The following ZFAND3 variants were observed in gnomAD, a reference collection of about 807,000 sequenced individuals.
ZFAND3 encodes the protein AN1-type zinc finger protein 3.
A neutral mutation model predicts 29.6 loss-of-function variants in ZFAND3; 10 were observed. That is an observed-to-expected ratio of 0.34 (90% CI 0.21 to 0.57). The LOEUF is 0.57. Among genes scored for constraint, ZFAND3 ranks in the 20% least tolerant of loss-of-function variants. The pLI, the probability that ZFAND3 is intolerant of heterozygous loss-of-function variation, is 0.86. For missense variants in ZFAND3, 230 were observed against 304.5 expected (o/e 0.76, Z 1.82); for synonymous variants, 128 against 112.6 (o/e 1.14, Z -0.87).
chr6:38,039,999 A>G (rs1002287696), intron 2 of ZFAND3, among the ~76,000 whole-genome samples: 1 of 152,114 alleles, frequency 6.6e-6, no homozygotes, highest in Admixed American at 6.5e-5. Context: ...TTACTCTTAA[A>G]CTTATGCATC....
At chr6:37,914,413 G>A (rs939121769) in intron 1 of ZFAND3, among the ~76,000 whole-genome samples, 33 of 152,172 alleles carry the variant, frequency 2.2e-4, no homozygotes, top group African/African-American at 6.7e-4. Flanking sequence ...GGAGCGCAGT[G>A]GTGCAACCTC....
At chr6:38,027,249 C>T (rs1229378007) in intron 2 of ZFAND3, among the ~76,000 whole-genome samples, 4 of 152,210 alleles carry the variant, frequency 2.6e-5, no homozygotes, top group Admixed American at 2.6e-4. Flanking sequence ...TAAAATATTT[C>T]TCCCAAATAT....
intron 1 of ZFAND3, among the ~76,000 whole-genome samples, chr6:37,841,351 T>C (rs1477361611): frequency 1.3e-5 from 2 of 149,584 alleles, no homozygotes; most frequent in Non-Finnish European, 3.0e-5. Context: ...TTATTTGCTT[T>C]CCATCCTTCT....
At chr6:37,896,572 C>CTTTCTTTCTTT (rs58677123) in intron 1 of ZFAND3, among the ~76,000 whole-genome samples, 1 of 21,298 alleles carries the variant, frequency 4.7e-5, no homozygotes, top group African/African-American at 1.8e-4. Flanking sequence ...CTTTCTTTCT[C>CTTTCTTTCTTT]TCTTTCTCTC....
At chr6:38,144,192 TATATATATATATATATATA>T (rs1309426241) in intron 5 of ZFAND3, among the ~76,000 whole-genome samples, 3 of 40,812 alleles carry the variant, frequency 7.4e-5, no homozygotes, top group African/African-American at 4.1e-4. Context: ...ATAATATATA[TATATATATATATATATATA>T]ATATATAATA....
At chr6:37,896,841 A>G (rs6906120) in intron 1 of ZFAND3, among the ~76,000 whole-genome samples, 4,496 of 152,052 alleles carry the variant, frequency 0.03, 172 homozygotes, top group African/African-American at 0.085. Context: ...AATTGCCAGT[A>G]AAGCCAACCG....
At chr6:38,005,269 C>T (rs1373340255) in intron 2 of ZFAND3, among the ~76,000 whole-genome samples, 1 of 152,010 alleles carries the variant, frequency 6.6e-6, no homozygotes, top group Non-Finnish European at 1.5e-5. Flanking sequence ...GCAGATCTGT[C>T]GAAGCATGTT....
At chr6:38,081,155 TTTTC>T (rs1161888090) in intron 3 of ZFAND3, among the ~76,000 whole-genome samples, 1 of 150,396 alleles carries the variant, frequency 6.6e-6, no homozygotes, top group Admixed American at 6.6e-5. Flanking sequence ...TACAGAAGTT[TTTTC>T]TTTTTTTTTT....
intron 2 of ZFAND3, among the ~76,000 whole-genome samples, chr6:37,960,273 G>A (rs1318529573): frequency 6.6e-6 from 1 of 152,196 alleles, no homozygotes; most frequent in African/African-American, 2.4e-5. Flanking sequence ...AAGCTGTCCT[G>A]CAACACAGGT....
At chr6:38,149,397 C>T (rs1313474084) in intron 5 of ZFAND3, among the ~76,000 whole-genome samples, 1 of 127,932 alleles carries the variant, frequency 7.8e-6, no homozygotes, top group Non-Finnish European at 1.6e-5. Context: ...GGTGACAGAG[C>T]AAGACCCTGT....
At chr6:37,854,776 C>CCT (rs1491434302) in intron 1 of ZFAND3, among the ~76,000 whole-genome samples, 22 of 80,566 alleles carry the variant, frequency 2.7e-4, no homozygotes, top group African/African-American at 5.8e-4. Flanking sequence ...CCCCCCCCCC[C>CCT]TTTTTTTTTA....
intron 2 of ZFAND3, among the ~76,000 whole-genome samples, chr6:37,969,678 G>C (rs962187077): frequency 3.9e-5 from 6 of 152,204 alleles, no homozygotes; most frequent in African/African-American, 1.4e-4. Flanking sequence ...ATAGTGGTCA[G>C]AGTAGTGAGT....
At chr6:38,083,716 G>A (rs1764707628) in intron 4 of ZFAND3, among the ~76,000 whole-genome samples, 1 of 152,110 alleles carries the variant, frequency 6.6e-6, no homozygotes, top group African/African-American at 2.4e-5. Flanking sequence ...CAGTCAAGGA[G>A]TTGAACCTTG....
At chr6:37,959,799 T>C (rs578173404) in intron 2 of ZFAND3, among the ~76,000 whole-genome samples, 1 of 152,328 alleles carries the variant, frequency 6.6e-6, no homozygotes, top group South Asian at 2.1e-4. Context: ...AAATAGAGGC[T>C]AGTTCCTCAG....
intron 2 of ZFAND3, among the ~76,000 whole-genome samples, chr6:37,969,317 A>C (rs1296283998): frequency 6.6e-6 from 1 of 152,236 alleles, no homozygotes; most frequent in Non-Finnish European, 1.5e-5. Context: ...TTGATTTAAA[A>C]TTAGGTTACA....
At chr6:37,917,797 A>G (rs1047138244) in intron 1 of ZFAND3, among the ~76,000 whole-genome samples, 1 of 152,166 alleles carries the variant, frequency 6.6e-6, no homozygotes, top group African/African-American at 2.4e-5. Context: ...TAGGTGTGGT[A>G]TCCTGACTCT....
chr6:37,886,548 T>A (rs1036578561), intron 1 of ZFAND3, among the ~76,000 whole-genome samples: 3 of 152,192 alleles, frequency 2.0e-5, no homozygotes, highest in African/African-American at 7.2e-5. Flanking sequence ...TTTTCTGCAG[T>A]CATATCATGG....
chr6:38,119,708 C>T (rs767150114), intron 5 of ZFAND3, among the ~76,000 whole-genome samples: 1 of 152,236 alleles, frequency 6.6e-6, no homozygotes, highest in African/African-American at 2.4e-5. Flanking sequence ...CGCCCCAGGG[C>T]TGTCGTCCAA....
At chr6:38,099,933 T>C (rs1330410629) in intron 4 of ZFAND3, among the ~76,000 whole-genome samples, 2 of 152,236 alleles carry the variant, frequency 1.3e-5, no homozygotes, top group Non-Finnish European at 2.9e-5. Flanking sequence ...TGTAGTACCA[T>C]TTTGAATGAG....
Sources: gnomAD v4.1 joint callset for allele counts (sites outside exome capture counted in the v4.1 genomes callset) on GRCh38, gnomAD v4.1.1 for gene constraint, MANE v1.5 for transcripts, NCBI Gene and HGNC (gene_info 2026-07-23, HGNC 2026-07-21) for gene names.